TSC1: variants seen among roughly 807,000 people sequenced by gnomAD.
The protein encoded by TSC1 is TSC complex subunit 1.
A neutral mutation model predicts 124.3 loss-of-function variants in TSC1; 20 were observed. The ratio of observed to expected loss-of-function variants is 0.16; its 90% CI spans 0.11 to 0.23. TSC1 has a LOEUF of 0.23. Among genes scored for constraint, TSC1 ranks in the 10% least tolerant of loss-of-function variants. The pLI is 1.00. For missense variants in TSC1, 1,124 were observed against 1,448.5 expected (o/e 0.78, Z 3.64); for synonymous variants, 493 against 539.1 (o/e 0.91, Z 1.19).
chr9:132,893,317 C>T lies in TSC1; in HGVS notation c.*2918G>A, dbSNP rs1844865123. The T allele has an allele frequency of 8.6e-6, 2 of 233,250 alleles. No individual in the cohort carries two copies. The highest frequency in any genetic ancestry group is 1.3e-3 in the Middle Eastern group (1 of 786). 14.4% of individuals were successfully genotyped at this position (233,250 alleles called of 1,614,324 possible). A position where few individuals can be genotyped will look rare whatever the true frequency, so the allele number is the denominator to read the frequency against. On this transcript the variant is annotated 3_prime_UTR_variant, in exon 23 of 23. Transcript: ENST00000298552. ...ACAACTTCTCCATCTAAGAAATGAC[C>T]TTGACCTTCCTACCTTTGGGTTTGT...
intron 13 of TSC1, 75 bp downstream of exon 13, chr9:132,907,221 CCATTT>C: frequency 1.6e-6 from 2 of 1,237,446 alleles, no homozygotes; most frequent in South Asian, 1.2e-5. Flanking sequence ...TTCCTTGTTT[CCATTT>C]AACTTTCTTT....
At chr9:132,926,075 G>T (rs1404276014) in intron 4 of TSC1, 1 of 359,718 alleles carries the variant, frequency 2.8e-6, no homozygotes, top group African/African-American at 2.1e-5. Context: ...CCTGCTGGAA[G>T]CAGCCACTTA....
intron 19 of TSC1, 139 bp downstream of exon 19, chr9:132,901,450 C>CT: frequency 7.3e-6 from 6 of 818,212 alleles, no homozygotes; most frequent in South Asian, 6.9e-5. Context: ...ATGTCAGGGA[C>CT]TATGGGGGCA....
At position 132,895,381 on chromosome 9, in the gene TSC1, T is replaced by A. The variant is rs1844976512; in HGVS notation, c.*854A>T. ...GGCCTAAAGGTGCAGTTCCTCATGC[T>A]CAAGTGCTTCTCGGGTAACCTCTCC... On this transcript the variant is annotated 3_prime_UTR_variant, in exon 23 of 23. Coordinates refer to ENST00000298552, the MANE Select transcript of TSC1 (RefSeq NM_000368.5). 4.3e-6 allele frequency: 1 copy of A among 233,428 alleles called. No homozygotes were observed. The highest frequency in any genetic ancestry group is 2.2e-5 in the African/African-American group (1 of 45,340). 14.5% of individuals were successfully genotyped at this position (233,428 alleles called of 1,614,324 possible). A position where few individuals can be genotyped will look rare whatever the true frequency, so the allele number is the denominator to read the frequency against.
In TSC1 at chr9:132,911,047, G is replaced by T. The variant is rs1041988929; in HGVS notation, c.1096C>A (p.Pro366Thr). Residue 366 changes from proline (P) to threonine (T), a missense_variant, in exon 11 of 23, where the codon CCA becomes ACA. Transcript: ENST00000298552. ...TTPPTSPGNV[P>T]PDLSHPYSKV... ...CTGTAAGGGTGTGACAGATCAGGTG[G>T]GACATTTCCAGGAGAAGTTGGAGGA... is the stretch of plus-strand genomic sequence containing the variant. 1 of 1,614,140 alleles carries T rather than the reference G, an allele frequency of 6.2e-7. No homozygotes were observed. Among genetic ancestry groups the T allele is most frequent in the Non-Finnish European group, 8.5e-7 (1 of 1,180,012 alleles).
At chr9:132,912,202 G>A (rs1845998778) in intron 9 of TSC1, 80 bp downstream of exon 9, 3 of 1,575,222 alleles carry the variant, frequency 1.9e-6, no homozygotes, top group African/African-American at 1.3e-5. Flanking sequence ...TCTTACTCCA[G>A]AAAAGAAAAT....
upstream of TSC1, chr9:132,944,618 G>T (rs919666098): frequency 3.3e-5 from 13 of 398,786 alleles, no homozygotes; most frequent in Non-Finnish European, 4.9e-5. Flanking sequence ...TGGACGTACA[G>T]CACCTCCCCC....
Position 132,921,996 on chromosome 9 carries a change from A to C in TSC1, c.509-23T>G, listed in dbSNP as rs749863126. ...GGCCTAGAAAAGGAACCCGTTGAGA[A>C]GAGCCTCTTAGTTGGAGACAGATTG... On this transcript the variant is annotated intron_variant, in intron 6 of 22. Transcript: ENST00000298552. The surrounding 1 kb of genome is among the most constrained non-coding windows in gnomAD (Gnocchi z 4.3). 6.2e-7 allele frequency: 1 copy of C among 1,613,870 alleles called. No individual in the cohort carries two copies. Among genetic ancestry groups the C allele is most frequent in the Non-Finnish European group, 8.5e-7 (1 of 1,179,916 alleles).
rs1474889293 is a variant in TSC1, at chr9:132,921,461, AT to A, written c.664-26del. 2.5e-6 allele frequency: 4 copies of A among 1,612,952 alleles called. No individual in the cohort carries two copies. Among genetic ancestry groups the A allele is most frequent in the Non-Finnish European group, 1.7e-6 (2 of 1,179,062 alleles). The stretch of plus-strand genomic sequence containing the variant: ...GCTAGAAGAGTTGGGTTGACAAATT[AT>A]AAAGGGCTGAATGTTTGTGGAACAT... On this transcript the variant is annotated intron_variant, in intron 7 of 22. Coordinates refer to ENST00000298552, the MANE Select transcript of TSC1 (RefSeq NM_000368.5). The surrounding 1 kb of genome is among the most constrained non-coding windows in gnomAD (Gnocchi z 4.3).
In TSC1 at chr9:132,923,645, G is replaced by C; in HGVS notation, c.364-153C>G. The C allele has an allele frequency of 9.4e-7, 1 of 1,059,856 alleles. No homozygotes were observed. The highest frequency in any genetic ancestry group is 1.4e-5 in the South Asian group (1 of 73,546). The allele number at this position is 1,059,856 out of a possible 1,614,324, so 65.7% of individuals were successfully genotyped here. ...TTCCCTATCCCTAAGGATTACTGAA[G>C]GGATAACATTCAAACAGACTCAACA... is the stretch of plus-strand genomic sequence containing the variant. On this transcript the variant is annotated intron_variant, in intron 5 of 22. Coordinates refer to ENST00000298552, the MANE Select transcript of TSC1 (RefSeq NM_000368.5). This position sits in a 1 kb window ranked among gnomAD's most constrained non-coding sequence, Gnocchi z 4.2.
In TSC1 at chr9:132,894,336, C is replaced by T. The variant is rs1009188682; in HGVS notation, c.*1899G>A. ...CTCTTGGGCATGAGGAGAAGGAAAG[C>T]ACTTAAAACCAGTTTCAGGATTCAC... On this transcript the variant is annotated 3_prime_UTR_variant, in exon 23 of 23. Transcript: ENST00000298552. 4.3e-6 allele frequency: 1 copy of T among 231,072 alleles called. No individual in the cohort carries two copies. The highest frequency in any genetic ancestry group is 8.6e-6 in the Non-Finnish European group (1 of 116,532). 14.3% of individuals were successfully genotyped at this position (231,072 alleles called of 1,614,324 possible). A position where few individuals can be genotyped will look rare whatever the true frequency, so the allele number is the denominator to read the frequency against.
In TSC1 at chr9:132,906,263, C is replaced by T. The variant is rs145581411; in HGVS notation, c.1439-124G>A. 7.6e-4 allele frequency: 863 copies of T among 1,131,344 alleles called. 6 individuals are homozygous for T. The highest frequency in any genetic ancestry group is 5.4e-3 in the African/African-American group (351 of 65,112). 70.1% of individuals were successfully genotyped at this position (1,131,344 alleles called of 1,614,324 possible). ...CAGAGAGAGGAGAAAAAGTGGCATC[C>T]GGCTGGACACAGTGGCTCACGCCTG... is the stretch of plus-strand genomic sequence containing the variant. On this transcript the variant is annotated intron_variant, in intron 14 of 22. Transcript: ENST00000298552. This position sits in a 1 kb window ranked among gnomAD's most constrained non-coding sequence, Gnocchi z 4.1.
Position 132,891,533 on chromosome 9 carries a change from GA to G in TSC1, c.*4701del, listed in dbSNP as rs1376005184. Reference sequence around the variant, plus strand: ...ATGTGGATTGTTGACATGCTTTTAGGATTGAGGCGGGAAAGTTTAGACCTTT... The same window carrying G: ...ATGTGGATTGTTGACATGCTTTTAGGTTGAGGCGGGAAAGTTTAGACCTTT... On this transcript the variant is annotated 3_prime_UTR_variant, in exon 23 of 23. Transcript: ENST00000298552. The G allele has an allele frequency of 4.3e-6, 1 of 233,312 alleles. No homozygotes were observed. Among genetic ancestry groups the G allele is most frequent in the Non-Finnish European group, 8.5e-6 (1 of 117,940 alleles). 14.5% of individuals were successfully genotyped at this position (233,312 alleles called of 1,614,324 possible).
rs115097221 is a variant in TSC1 at position 132,925,677 on chromosome 9, C to G, written c.273G>C (p.Ser91=). 1 of 1,614,036 alleles carries G rather than the reference C, an allele frequency of 6.2e-7. No individual in the cohort carries two copies. The highest frequency in any genetic ancestry group is 8.5e-7 in the Non-Finnish European group (1 of 1,180,032). ...GCAGTCTTATGACATGACCCAGTAA[C>G]GAGAGGATGGATAAACGAGTGGCGG... ...GKAATRLSIL[S]LLGHVIRLQP... is the part of the protein sequence containing the mutation. Residue 91 remains serine, a synonymous_variant, in exon 5 of 23, where the codon TCG becomes TCC. Coordinates refer to ENST00000298552, the MANE Select transcript of TSC1 (RefSeq NM_000368.5).
At chr9:132,924,112 C>G (rs545146213) in intron 5 of TSC1, among the ~76,000 whole-genome samples, 1 of 151,960 alleles carries the variant, frequency 6.6e-6, no homozygotes, top group Non-Finnish European at 1.5e-5. Flanking sequence ...AATATTAAGT[C>G]AAATAAATAA....
chr9:132,910,875 G>C, intron 11 of TSC1, 127 bp downstream of exon 11: 1 of 1,287,658 alleles, frequency 7.8e-7, no homozygotes, highest in Non-Finnish European at 1.1e-6. Flanking sequence ...AAGCCCCAGG[G>C]ATTTGCAATA....
intron 1 of TSC1, chr9:132,940,761 A>G (rs1847692974): frequency 6.6e-6 from 1 of 152,240 alleles, no homozygotes. Flanking sequence ...ACTTTATTAT[A>G]ACAATATTAC....
At position 132,906,972 on chromosome 9, in the gene TSC1, T is replaced by C. The variant is rs1286987317; in HGVS notation, c.1334-137A>G. ...GAGAAGGCTGGACATGGCTCTGTCC[T>C]GGGGATACTACAAAAGACTGAAATA... On this transcript the variant is annotated intron_variant, in intron 13 of 22. Transcript: ENST00000298552. This position sits in a 1 kb window ranked among gnomAD's most constrained non-coding sequence, Gnocchi z 4.1. 1.4e-6 allele frequency: 1 copy of C among 734,092 alleles called. No individual in the cohort carries two copies. The highest frequency in any genetic ancestry group is 1.8e-5 in the African/African-American group (1 of 56,634). 45.5% of individuals were successfully genotyped at this position (734,092 alleles called of 1,614,324 possible). A position where few individuals can be genotyped will look rare whatever the true frequency, so the allele number is the denominator to read the frequency against.
chr9:132,921,396 G>A lies in TSC1; in HGVS notation c.704C>T (p.Thr235Ile), dbSNP rs2132135600. ...EHVRIHPELV[T>I]GSKDHELDPR... ...GTCCAGTTCATGGTCCTTGGATCCA[G>A]TCACTAATTCCGGATGAATTCGCAC... The change falls in exon 8 of 23, where the codon ACT becomes ATT. Residue 235 changes from threonine to isoleucine, a missense_variant. By Grantham distance (89) the Thr-to-Ile change is moderately conservative. Coordinates refer to ENST00000298552, the MANE Select transcript of TSC1 (RefSeq NM_000368.5). This position sits in a 1 kb window ranked among gnomAD's most constrained non-coding sequence, Gnocchi z 4.3. 2 of 1,614,138 alleles carry A rather than the reference G, an allele frequency of 1.2e-6. No individual in the cohort carries two copies. Among genetic ancestry groups the A allele is most frequent in the African/African-American group, 1.3e-5 (1 of 75,052 alleles).
Sources: gnomAD v4.1 joint callset for allele counts (sites outside exome capture counted in the v4.1 genomes callset) on GRCh38, gnomAD v4.1.1 for gene constraint, Gnocchi (gnomAD v3.1) non-coding constraint, MANE v1.5 for transcripts, NCBI Gene and HGNC (gene_info 2026-07-23, HGNC 2026-07-21) for gene names.